The following RNPC3 variants were observed in gnomAD, a reference collection of about 807,000 sequenced individuals.
The protein encoded by RNPC3 is RNA binding region (RNP1, RRM) containing 3.
A neutral mutation model predicts 67.5 loss-of-function variants in RNPC3; 48 were observed. That is an observed-to-expected ratio of 0.71 (90% confidence interval 0.56 to 0.90). RNPC3 has a LOEUF of 0.90. Among genes scored for constraint, RNPC3 ranks in the 40% least tolerant of loss-of-function variants. RNPC3 has a pLI of 0.00. For synonymous variants in RNPC3, 239 were observed against 210.3 expected, an observed-to-expected ratio of 1.14 and a Z score of -1.18; for missense variants, 637 against 626.1, an observed-to-expected ratio of 1.02 and a Z score of -0.19.
At chr1:103,530,079 G>GA in intron 2 of RNPC3, among the ~76,000 whole-genome samples, 1 of 133,036 alleles carries the variant, frequency 7.5e-6, no homozygotes, top group Non-Finnish European at 1.5e-5. Context: ...CCAGCCTGTG[G>GA]AAAAATTGTC....
intron 7 of RNPC3, among the ~76,000 whole-genome samples, 193 bp downstream of exon 7, chr1:103,537,677 G>A (rs1448434982): frequency 6.6e-6 from 1 of 152,020 alleles, no homozygotes; most frequent in Non-Finnish European, 1.5e-5. Context: ...CAAGACCTAA[G>A]TGAAAATTTT....
intron 12 of RNPC3, among the ~76,000 whole-genome samples, chr1:103,550,267 AGTT>A (rs1037738442): frequency 1.4e-4 from 21 of 152,196 alleles, no homozygotes; most frequent in African/African-American, 5.1e-4. Context: ...ATGTAGTAGT[AGTT>A]GTTTTTTTAA....
intron 1 of RNPC3, among the ~76,000 whole-genome samples, chr1:103,527,129 C>G (rs1650739303): frequency 6.6e-6 from 1 of 152,112 alleles, no homozygotes; most frequent in Admixed American, 6.5e-5. Flanking sequence ...TTTTAATAAG[C>G]ATTGACCAGA....
At chr1:103,547,263 A>G (rs1383611151) in intron 12 of RNPC3, among the ~76,000 whole-genome samples, 5 of 152,304 alleles carry the variant, frequency 3.3e-5, no homozygotes, top group South Asian at 4.1e-4. Flanking sequence ...ATTGCAGACC[A>G]TACAGTGTCT....
At chr1:103,549,003 A>G (rs779261892) in intron 12 of RNPC3, among the ~76,000 whole-genome samples, 1 of 152,130 alleles carries the variant, frequency 6.6e-6, no homozygotes, top group African/African-American at 2.4e-5. Context: ...AGACTCATGT[A>G]CTATCATGAG....
intron 12 of RNPC3, among the ~76,000 whole-genome samples, chr1:103,548,245 C>T (rs1651295408): frequency 6.6e-6 from 1 of 152,180 alleles, no homozygotes. Context: ...CTACAGCTGG[C>T]TTGAATTTCT....
rs1651124547 is a variant in RNPC3, at chr1:103,541,493, A to G, written c.893+18A>G. 2 of 1,476,094 alleles carry G rather than the reference A, an allele frequency of 1.4e-6. No homozygotes were observed. Among genetic ancestry groups the G allele is most frequent in the Non-Finnish European group, 8.9e-7 (1 of 1,123,424 alleles). 91.4% of individuals were successfully genotyped at this position (1,476,094 alleles called of 1,614,324 possible). A position where few individuals can be genotyped will look rare whatever the true frequency, so the allele number is the denominator to read the frequency against. On this transcript the variant is annotated intron_variant, in intron 8 of 14. Transcript: ENST00000423855. ...TCACACAGGTAATTTTATTTGAACT[A>G]AGAAATGAGGGTTGTCTGTATGTAC...
rs1430200483 is a variant in RNPC3, at chr1:103,544,962, A to G, written c.1067A>G (p.Asp356Gly). 1.3e-6 allele frequency: 2 copies of G among 1,528,384 alleles called. No homozygotes were observed. The highest frequency in any genetic ancestry group is 1.8e-6 in the Non-Finnish European group (2 of 1,142,368). The allele number at this position is 1,528,384 out of a possible 1,614,324, so 94.7% of individuals were successfully genotyped here. ...KNHDLPATEV[D>G]ASNIGFGKIF... Reference sequence around the variant, plus strand: ...TTAGATTTACCTGCTACTGAAGTTGATGCATCCAATATAGGATTTGGAAAA... The same window carrying G: ...TTAGATTTACCTGCTACTGAAGTTGGTGCATCCAATATAGGATTTGGAAAA... The change falls in exon 10 of 15, where the codon GAT becomes GGT. Residue 356 changes from aspartate to glycine, a missense_variant. Asp to Gly is a moderately conservative substitution (Grantham distance 94, BLOSUM62 -1). Transcript: ENST00000423855.
intron 8 of RNPC3, 72 bp from the exon 9 acceptor site, chr1:103,543,224 A>G (rs1651166684): frequency 4.4e-6 from 5 of 1,132,470 alleles, no homozygotes; most frequent in Non-Finnish European, 5.8e-6. Context: ...AATTTAAAAT[A>G]AACTTGAAAT....
intron 14 of RNPC3, 91 bp downstream of exon 14, chr1:103,551,883 CTCTTT>C: frequency 3.3e-6 from 2 of 606,904 alleles, no homozygotes; most frequent in African/African-American, 2.0e-5. Context: ...ATTCAGGTAT[CTCTTT>C]TTTTTTTTTT....
At position 103,546,329 on chromosome 1, in the gene RNPC3, A is replaced by G. The variant is rs1271914847; in HGVS notation, c.1289A>G (p.His430Arg). 4 of 1,446,942 alleles carry G rather than the reference A, an allele frequency of 2.8e-6. No individual in the cohort carries two copies. Among genetic ancestry groups the G allele is most frequent in the African/African-American group, 2.9e-5 (2 of 69,238 alleles). The allele number at this position is 1,446,942 out of a possible 1,614,324, so 89.6% of individuals were successfully genotyped here. ...CRIYVKNLAK[H>R]VQEKDLKYIF... ...ATTTATGTAAAGAATTTAGCTAAACATGTTCAAGAAAAGGTAGGTATAAAT... is the reference window on the plus strand; with the variant it reads ...ATTTATGTAAAGAATTTAGCTAAACGTGTTCAAGAAAAGGTAGGTATAAAT... Residue 430 changes from histidine (H) to arginine (R), a missense_variant, in exon 11 of 15, where the codon CAT becomes CGT. Around this residue, in one of 3 missense-constraint regions of RNPC3, gnomAD observed 5 missense variants for 20.1 expected, o/e 0.25. Coordinates refer to ENST00000423855, the MANE Select transcript of RNPC3 (RefSeq NM_017619.4).
At position 103,526,090 on chromosome 1, in the gene RNPC3, C is replaced by G; in HGVS notation, c.20C>G (p.Pro7Arg). Reference sequence around the variant, plus strand: ...AGGAAAATGGCAGCTCCCGAGCAGCCGCTTGCGATATCAAGGGGATGCACG... The same window carrying G: ...AGGAAAATGGCAGCTCCCGAGCAGCGGCTTGCGATATCAAGGGGATGCACG... MAAPEQPLAISRGCTSS... is the reference protein window; with the variant it reads MAAPEQRLAISRGCTSS... The change falls in exon 1 of 15, where the codon CCG (proline) becomes CGG (arginine). Residue 7 changes from proline (P) to arginine (R), a missense_variant. Pro to Arg is a moderately radical substitution (Grantham distance 103). Transcript: ENST00000423855. 1 of 1,542,152 alleles carries G rather than the reference C, an allele frequency of 6.5e-7. No individual in the cohort carries two copies. Among genetic ancestry groups the G allele is most frequent in the Non-Finnish European group, 8.8e-7 (1 of 1,141,278 alleles).
intron 6 of RNPC3, 55 bp downstream of exon 6, chr1:103,536,249 T>G: frequency 7.7e-7 from 1 of 1,291,032 alleles, no homozygotes; most frequent in Non-Finnish European, 1.1e-6. Flanking sequence ...AATGGGATTA[T>G]TGAGGCTGAA....
chr1:103,525,820 G>T lies in RNPC3; in HGVS notation c.-251G>T. 2.3e-6 allele frequency: 1 copy of T among 428,052 alleles called. No individual in the cohort carries two copies. Among genetic ancestry groups the T allele is most frequent in the Non-Finnish European group, 4.2e-6 (1 of 238,022 alleles). The allele number at this position is 428,052 out of a possible 1,614,324, so 26.5% of individuals were successfully genotyped here. ...CTCGCACATCTCTGGGCCAATTTTTGCTTGTAAGTCTTTCCGGAGACCCCT... is the reference window on the plus strand; with the variant it reads ...CTCGCACATCTCTGGGCCAATTTTTTCTTGTAAGTCTTTCCGGAGACCCCT... On this transcript the variant is annotated 5_prime_UTR_variant, in exon 1 of 15. Transcript: ENST00000423855.
intron 12 of RNPC3, among the ~76,000 whole-genome samples, chr1:103,548,925 G>A (rs1383879969): frequency 6.6e-6 from 1 of 152,146 alleles, no homozygotes; most frequent in East Asian, 1.9e-4. Context: ...TTATATGGCT[G>A]GCAGCAGGCA....
chr1:103,545,330 A>C, intron 10 of RNPC3: 1 of 337,610 alleles, frequency 3.0e-6, no homozygotes, highest in Non-Finnish European at 5.3e-6. Flanking sequence ...TTTAGGAAAA[A>C]ATTTTGTTTT....
At chr1:103,533,949 C>G in intron 3 of RNPC3, 92 bp downstream of exon 3, 1 of 710,906 alleles carries the variant, frequency 1.4e-6, no homozygotes, top group Non-Finnish European at 2.4e-6. Flanking sequence ...TGTTTTCAGA[C>G]TAGCAAGTAA....
intron 6 of RNPC3, 63 bp downstream of exon 6, chr1:103,536,257 G>A (rs898547514): frequency 1.1e-5 from 13 of 1,159,388 alleles, no homozygotes; most frequent in Admixed American, 8.0e-5. Flanking sequence ...TATTGAGGCT[G>A]AATTATACAG....
At chr1:103,533,302 A>G (rs1183260595) in intron 2 of RNPC3, among the ~76,000 whole-genome samples, 1 of 152,052 alleles carries the variant, frequency 6.6e-6, no homozygotes, top group Non-Finnish European at 1.5e-5. Flanking sequence ...AATACAAGAA[A>G]AATATTGTGA....
Sources: allele counts gnomAD v4.1 joint callset (sites outside exome capture counted in the v4.1 genomes callset), GRCh38; gene constraint gnomAD v4.1.1; regional missense constraint gnomAD v4.1.1; transcripts MANE v1.5; gene names NCBI Gene and HGNC (gene_info 2026-07-23, HGNC 2026-07-21).